Variants in VWF observed in about 807,000 individuals in gnomAD.
The protein encoded by VWF is Factor VIII related antigen.
VWF carries 176 observed loss-of-function variants against 308.6 expected under a neutral mutation model. The ratio of observed to expected loss-of-function variants is 0.57; its 90% CI spans 0.50 to 0.65. VWF has a LOEUF of 0.65. Ranked by LOEUF, VWF falls within the 30% of genes least tolerant of loss-of-function variation. The pLI is 0.00. For missense variants in VWF, 3,146 were observed against 3,648.2 expected (o/e 0.86, Z 3.55); for synonymous variants, 1,385 against 1,443.4 (o/e 0.96, Z 0.92).
intron 47 of VWF, among the ~76,000 whole-genome samples, chr12:5,958,726 C>G (rs573605539): frequency 6.6e-6 from 1 of 152,240 alleles, no homozygotes; most frequent in African/African-American, 2.4e-5. Context: ...TTACTCTTCA[C>G]TTAGGGGAAG....
In VWF at chr12:5,992,028, G is replaced by T. The variant is rs1943751501; in HGVS notation, c.6599-10C>A. On this transcript the variant is annotated splice_polypyrimidine_tract_variant and intron_variant, in intron 37 of 51. Transcript: ENST00000261405. ...GGTGGGCATGACATAGCTGTAGACA[G>T]AGAAGGAGGTCACTTGCAAAGGCCC... The T allele has an allele frequency of 6.8e-6, 11 of 1,613,808 alleles. No homozygotes were observed. In the East Asian group the frequency reaches 2.5e-4, roughly 36 times the overall value.
chr12:6,071,993 C>T (rs1944787219), intron 9 of VWF, among the ~76,000 whole-genome samples: 1 of 152,114 alleles, frequency 6.6e-6, no homozygotes. Flanking sequence ...GAGAGAAGGA[C>T]CTACGTACTG....
At chr12:6,102,721 G>A (rs1056808828) in intron 5 of VWF, among the ~76,000 whole-genome samples, 6 of 148,466 alleles carry the variant, frequency 4.0e-5, no homozygotes, top group South Asian at 4.2e-4. Flanking sequence ...GTGACTGAGC[G>A]AGACTCCGTC....
rs149847513 is a variant in VWF at position 5,991,948 on chromosome 12, G to A, written c.6669C>T (p.Asn2223=). Residue 2223 remains asparagine (N), a synonymous_variant, in exon 38 of 52, where the codon AAC becomes AAT. Transcript: ENST00000261405. ...AGGGATGGTCCCCACAGGAGCTCAC[G>A]TTGCCATCACAGTGCCGGGGACAGC... ...EHGCPRHCDG[N]VSSCGDHPSE... The A allele has an allele frequency of 6.4e-5, 103 of 1,614,218 alleles. No homozygotes were observed. In the East Asian group the frequency reaches 1.7e-3, roughly 27 times the overall value.
intron 5 of VWF, among the ~76,000 whole-genome samples, chr12:6,104,464 T>G (rs1429713837): frequency 6.7e-6 from 1 of 150,360 alleles, no homozygotes; most frequent in Admixed American, 6.6e-5. Flanking sequence ...GAGGCGGGCG[T>G]ATCACGAGGT....
At chr12:5,966,585 T>G (rs1299977135) in intron 47 of VWF, among the ~76,000 whole-genome samples, 1 of 152,076 alleles carries the variant, frequency 6.6e-6, no homozygotes, top group African/African-American at 2.4e-5. Context: ...CACGACCTCT[T>G]GGCCCCCACC....
intron 18 of VWF, among the ~76,000 whole-genome samples, chr12:6,036,998 G>A (rs1944344300): frequency 6.6e-6 from 1 of 152,132 alleles, no homozygotes; most frequent in African/African-American, 2.4e-5. Context: ...GAATCACCAG[G>A]CGCCAGTATC....
chr12:6,078,615 G>A (rs1944871410), intron 6 of VWF, among the ~76,000 whole-genome samples: 1 of 152,176 alleles, frequency 6.6e-6, no homozygotes, highest in South Asian at 2.1e-4. Context: ...TCATTGCTAT[G>A]ACTGCTGCCA....
rs1591834887 is a variant in VWF, at chr12:5,967,556, A to T, written c.7817T>A (p.Met2606Lys). Residue 2606 changes from methionine (M) to lysine (K), a missense_variant, in exon 47 of 52, where the codon ATG becomes AAG. Around this residue, in one of 3 missense-constraint regions of VWF, gnomAD observed 989 missense variants for 1,117.4 expected, o/e 0.89. Coordinates refer to ENST00000261405, the MANE Select transcript of VWF (RefSeq NM_000552.5). ...MIDVCTTCRC[M>K]VQVGVISGFK... ...TCCAGAGATGACCCCCACCTGCACC[A>T]TGCAGCGGCAGGTCGTGCACACATC... 1 of 1,614,084 alleles carries T rather than the reference A, an allele frequency of 6.2e-7. No homozygotes were observed. The highest frequency in any genetic ancestry group is 8.5e-7 in the Non-Finnish European group (1 of 1,180,018).
At chr12:6,103,553 C>CGTGTGTATATATAT in intron 5 of VWF, among the ~76,000 whole-genome samples, 1 of 98,292 alleles carries the variant, frequency 1.0e-5, no homozygotes, top group African/African-American at 2.0e-4. Context: ...TATACACACA[C>CGTGTGTATATATAT]ACACACACAC....
At chr12:5,987,877 G>A (rs1943697026) in intron 38 of VWF, among the ~76,000 whole-genome samples, 1 of 152,200 alleles carries the variant, frequency 6.6e-6, no homozygotes, top group African/African-American at 2.4e-5. Flanking sequence ...ACCTTTGGGG[G>A]ATGGAAATTC....
At position 6,019,654 on chromosome 12, in the gene VWF, G is replaced by T. The variant is rs1042075297; in HGVS notation, c.3764C>A (p.Thr1255Asn). The change falls in exon 28 of 52, where the codon ACC becomes AAC. Residue 1255 changes from threonine to asparagine, a missense_variant. Thr to Asn is a moderately conservative substitution (Grantham distance 65). Coordinates refer to ENST00000261405, the MANE Select transcript of VWF (RefSeq NM_000552.5). The surrounding 1 kb of genome is among the most constrained non-coding windows in gnomAD (Gnocchi z 5.8). ...VPPTDAPVSP[T>N]TLYVEDISEP... ...CGAGATGTCCTCCACATACAGAGTG[G>T]TGGGGCTCACCGGGGCATCTGTGGG... The T allele has an allele frequency of 2.5e-6, 4 of 1,613,776 alleles. No homozygotes were observed. In the African/African-American group the frequency reaches 5.3e-5, roughly 22 times the overall value.
chr12:5,983,476 G>GATAGATAGATAGATAC (rs765691925), intron 40 of VWF, among the ~76,000 whole-genome samples: 3 of 73,320 alleles, frequency 4.1e-5, no homozygotes, highest in African/African-American at 1.3e-4. Flanking sequence ...TAGATAGATA[G>GATAGATAGATAGATAC]ATACATACAT....
chr12:6,050,394 G>A (rs548978230), intron 16 of VWF, among the ~76,000 whole-genome samples: 1 of 152,232 alleles, frequency 6.6e-6, no homozygotes, highest in African/African-American at 2.4e-5. Flanking sequence ...TGCTCTCCCT[G>A]CCATCATACC....
chr12:6,106,021 G>A (rs550755516), intron 5 of VWF, among the ~76,000 whole-genome samples: 158 of 152,208 alleles, frequency 1.0e-3, no homozygotes, highest in African/African-American at 3.7e-3. Context: ...TCAGCCTGGC[G>A]ACAGAGGGAA....
intron 6 of VWF, among the ~76,000 whole-genome samples, chr12:6,094,879 A>ATTTTTT (rs386375484): frequency 1.9e-5 from 2 of 104,952 alleles, no homozygotes; most frequent in Admixed American, 1.1e-4. Flanking sequence ...TGCCCAGCTA[A>ATTTTTT]TTTTTTTTTT....
At chr12:6,034,942 G>T in intron 19 of VWF, 116 bp from the exon 20 acceptor site, 1 of 1,309,952 alleles carries the variant, frequency 7.6e-7, no homozygotes, top group East Asian at 2.5e-5. Context: ...CAACCCTCCA[G>T]GAAGCCCAAG....
intron 43 of VWF, among the ~76,000 whole-genome samples, chr12:5,973,935 G>A (rs1035719537): frequency 3.3e-5 from 5 of 152,124 alleles, no homozygotes; most frequent in South Asian, 2.1e-4. Flanking sequence ...CCTGAGGCCC[G>A]CTTAGAACAT....
Position 5,976,093 on chromosome 12 carries a change from A to G in VWF, c.7437+18T>C, listed in dbSNP as rs578206645. The G allele has an allele frequency of 9.9e-6, 16 of 1,613,232 alleles. No homozygotes were observed. The East Asian group carries it at 3.3e-4, about 34-fold the overall frequency. Reference sequence around the variant, plus strand: ...CGCTCTGATAGCTGCAGGCATGCCCAGCCCCTGCCCCACTCACCGACCGAC... The same window carrying G: ...CGCTCTGATAGCTGCAGGCATGCCCGGCCCCTGCCCCACTCACCGACCGAC... On this transcript the variant is annotated intron_variant, in intron 43 of 51. Transcript: ENST00000261405.
Sources: allele counts gnomAD v4.1 joint callset (sites outside exome capture counted in the v4.1 genomes callset), GRCh38; gene constraint gnomAD v4.1.1; regional missense constraint gnomAD v4.1.1; non-coding constraint Gnocchi (gnomAD v3.1); transcripts MANE v1.5; gene names NCBI Gene and HGNC (gene_info 2026-07-23, HGNC 2026-07-21).